Variants in USP15 observed in about 807,000 individuals in gnomAD.
USP15 encodes the protein ubiquitin carboxyl-terminal hydrolase 15.
In USP15, 18 loss-of-function variants were observed where a neutral mutation model predicts 127.1. The ratio of observed to expected loss-of-function variants is 0.14; its 90% CI spans 0.10 to 0.21. The LOEUF (loss-of-function observed/expected upper bound fraction) is 0.21, where lower values mean the gene tolerates loss of function less well. Ranked by LOEUF, USP15 falls within the 10% of genes least tolerant of loss-of-function variation. USP15 has a pLI of 1.00. For missense variants in USP15, 805 were observed against 1,159.9 expected (o/e 0.69, Z 4.44); for synonymous variants, 364 against 393.7 (o/e 0.92, Z 0.89).
At chr12:62,381,981 G>T (rs969476296) in intron 9 of USP15, among the ~76,000 whole-genome samples, 6 of 151,972 alleles carry the variant, frequency 3.9e-5, no homozygotes, top group Non-Finnish European at 8.8e-5. Flanking sequence ...CGTTTGTATA[G>T]TTGTTTTGGA....
At chr12:62,348,910 C>T (rs1273283292) in intron 6 of USP15, among the ~76,000 whole-genome samples, 2 of 151,856 alleles carry the variant, frequency 1.3e-5, no homozygotes, top group Admixed American at 1.3e-4. Flanking sequence ...GGAAATTGAT[C>T]GTAAAATGTT....
intron 8 of USP15, among the ~76,000 whole-genome samples, chr12:62,371,886 A>G (rs985038430): frequency 2.0e-5 from 3 of 152,184 alleles, no homozygotes; most frequent in Non-Finnish European, 4.4e-5. Flanking sequence ...TAGCTCTGCA[A>G]CTTCTTCTGT....
intron 8 of USP15, among the ~76,000 whole-genome samples, chr12:62,372,645 C>T (rs2066711926): frequency 2.0e-5 from 3 of 151,936 alleles, no homozygotes; most frequent in Non-Finnish European, 4.4e-5. Context: ...TGTTTCTTTA[C>T]TGAATATTAT....
At chr12:62,346,558 T>G (rs1349746738) in intron 6 of USP15, among the ~76,000 whole-genome samples, 1 of 152,232 alleles carries the variant, frequency 6.6e-6, no homozygotes, top group African/African-American at 2.4e-5. Context: ...ACATCCAAGA[T>G]ATGTTGCCCT....
intron 1 of USP15, among the ~76,000 whole-genome samples, chr12:62,273,193 C>G (rs2063387869): frequency 6.6e-6 from 1 of 152,036 alleles, no homozygotes; most frequent in Non-Finnish European, 1.5e-5. Context: ...TTTCTTACCA[C>G]TTTTCTTGGA....
chr12:62,408,444 C>A lies in USP15; in HGVS notation c.*4069C>A, dbSNP rs2067945457. 6.6e-6 allele frequency: 1 copy of A among 151,964 alleles called. No individual in the cohort carries two copies. Among genetic ancestry groups the A allele is most frequent in the South Asian group, 2.1e-4 (1 of 4,816 alleles). 9.4% of individuals were successfully genotyped at this position (151,964 alleles called of 1,614,324 possible). A position where few individuals can be genotyped will look rare whatever the true frequency, so the allele number is the denominator to read the frequency against. ...TGAATCATAGACTAGGGGAAGGAAC[C>A]AGAGGTCCTCTAAAATATCAGAGGA... is the stretch of plus-strand genomic sequence containing the variant. On this transcript the variant is annotated 3_prime_UTR_variant, in exon 22 of 22. Coordinates refer to ENST00000280377, the MANE Select transcript of USP15 (RefSeq NM_001252078.2).
At position 62,372,594 on chromosome 12, in the gene USP15, C is replaced by G. The variant is rs547583557; in HGVS notation, c.916-8896C>G. ...TATGCCTTTGCAGAAGAACTAAGAT[C>G]AGTAAACTCACACAATTCTTAATAT... On this transcript the variant is annotated intron_variant, in intron 8 of 21. Coordinates refer to ENST00000280377, the MANE Select transcript of USP15 (RefSeq NM_001252078.2). Among the ~76,000 whole-genome samples, 165 of 152,160 alleles carry G rather than the reference C, an allele frequency of 1.1e-3. 3 individuals are homozygous for G. In the South Asian group the frequency reaches 0.012, roughly 11 times the overall value.
chr12:62,285,748 C>T (rs973460232), intron 1 of USP15, among the ~76,000 whole-genome samples: 19 of 152,114 alleles, frequency 1.2e-4, no homozygotes, highest in African/African-American at 4.3e-4. Context: ...GATAAACATA[C>T]AAGTGCAGGT....
At chr12:62,351,692 C>T (rs530196902) in intron 7 of USP15, among the ~76,000 whole-genome samples, 1 of 152,074 alleles carries the variant, frequency 6.6e-6, no homozygotes, top group South Asian at 2.1e-4. Flanking sequence ...CATATGACTA[C>T]ATTATATTTT....
At chr12:62,265,676 A>C (rs2063175399) in intron 1 of USP15, among the ~76,000 whole-genome samples, 1 of 152,172 alleles carries the variant, frequency 6.6e-6, no homozygotes, top group African/African-American at 2.4e-5. Context: ...CCTCTGAAAT[A>C]GCTGGAACTA....
rs148230787 is a variant in USP15 at position 62,380,651 on chromosome 12, C to G, written c.916-839C>G. Among the ~76,000 whole-genome samples the G allele has an allele frequency of 3.7e-3, 562 of 151,948 alleles. 5 individuals carry two copies. The highest frequency in any genetic ancestry group is 0.013 in the African/African-American group (529 of 41,478). On this transcript the variant is annotated intron_variant, in intron 8 of 21. Coordinates refer to ENST00000280377, the MANE Select transcript of USP15 (RefSeq NM_001252078.2). ...AGCAAAAAAAATTTACTTATGTGAC[C>G]ATATGTCTGTGTTAGTCGTTGCATA...
At chr12:62,289,896 T>C (rs546595043) in intron 1 of USP15, among the ~76,000 whole-genome samples, 1 of 152,288 alleles carries the variant, frequency 6.6e-6, no homozygotes, top group South Asian at 2.1e-4. Context: ...TGTTGCTGAA[T>C]TTCCATGTAT....
chr12:62,339,013 A>C lies in USP15; in HGVS notation c.684-10208A>C, dbSNP rs148831520. Among the ~76,000 whole-genome samples the C allele has an allele frequency of 4.4e-3, 664 of 152,226 alleles. 5 individuals carry two copies. Among genetic ancestry groups the C allele is most frequent in the African/African-American group, 0.015 (612 of 41,544 alleles). Reference sequence around the variant, plus strand: ...TTTTTCTAATTCTGTGAAGAATGTCAATGTCAATTCAATGGGGATAGCATT... The same window carrying C: ...TTTTTCTAATTCTGTGAAGAATGTCCATGTCAATTCAATGGGGATAGCATT... On this transcript the variant is annotated intron_variant, in intron 6 of 21. Coordinates refer to ENST00000280377, the MANE Select transcript of USP15 (RefSeq NM_001252078.2).
rs2068126001 is a variant in USP15, at chr12:62,415,098, C to T, written c.*10723C>T. ...TGATCTTCAGTCAGCAGGCTGGAGA[C>T]CCAGGAATGCCAATGGTGTAGTTCA... On this transcript the variant is annotated 3_prime_UTR_variant, in exon 22 of 22. Transcript: ENST00000280377. The T allele has an allele frequency of 6.6e-6, 1 of 151,834 alleles. No individual in the cohort carries two copies. Among genetic ancestry groups the T allele is most frequent in the Non-Finnish European group, 1.5e-5 (1 of 67,996 alleles). The allele number at this position is 151,834 out of a possible 1,614,324, so 9.4% of individuals were successfully genotyped here. A position where few individuals can be genotyped will look rare whatever the true frequency, so the allele number is the denominator to read the frequency against.
Position 62,378,336 on chromosome 12 carries a change from TTAG to T in USP15, c.916-3150_916-3148del, listed in dbSNP as rs573376374. Reference sequence around the variant, plus strand: ...TTTTTAAACTAATATGATTTGTGTATTAGTAGAACAATTATATTGACTATTGAA... The same window carrying T: ...TTTTTAAACTAATATGATTTGTGTATTAGAACAATTATATTGACTATTGAA... On this transcript the variant is annotated intron_variant, in intron 8 of 21. Coordinates refer to ENST00000280377, the MANE Select transcript of USP15 (RefSeq NM_001252078.2). 1.3e-3 allele frequency among the ~76,000 whole-genome samples: 195 copies of T among 152,356 alleles called. 1 individual carries two copies. Among genetic ancestry groups the T allele is most frequent in the African/African-American group, 4.4e-3 (185 of 41,586 alleles).
chr12:62,345,805 A>G (rs1483374084), intron 6 of USP15, among the ~76,000 whole-genome samples: 1 of 152,158 alleles, frequency 6.6e-6, no homozygotes, highest in Non-Finnish European at 1.5e-5. Flanking sequence ...TCTTACATGG[A>G]TGGTGGCAGG....
chr12:62,306,183 C>G (rs2064479357), intron 3 of USP15: 1 of 152,126 alleles, frequency 6.6e-6, no homozygotes, highest in Admixed American at 6.6e-5. Flanking sequence ...TAAGCTGCTC[C>G]CAGATTCTTG....
chr12:62,335,391 A>T (rs2065430359), intron 6 of USP15: 1 of 1,403,186 alleles, frequency 7.1e-7, no homozygotes, highest in East Asian at 2.6e-5. Context: ...AATGTCTGCA[A>T]CAGTATTGTA....
At chr12:62,312,657 A>G (rs909135543) in intron 3 of USP15, among the ~76,000 whole-genome samples, 9 of 151,654 alleles carry the variant, frequency 5.9e-5, no homozygotes, top group African/African-American at 2.2e-4. Context: ...ATCATCTATA[A>G]TACTGAAACA....
Sources: gnomAD v4.1 joint callset for allele counts (sites outside exome capture counted in the v4.1 genomes callset) on GRCh38, gnomAD v4.1.1 for gene constraint, MANE v1.5 for transcripts, NCBI Gene and HGNC (gene_info 2026-07-23, HGNC 2026-07-21) for gene names.